Variants in SND1 observed in about 807,000 individuals in gnomAD.
The protein encoded by SND1 is staphylococcal nuclease domain-containing protein 1.
A neutral mutation model predicts 121.7 loss-of-function variants in SND1; 38 were observed. That is an observed-to-expected ratio of 0.31 (90% CI 0.24 to 0.41). SND1 has a LOEUF of 0.41. Ranked by LOEUF, SND1 falls within the 10% of genes least tolerant of loss-of-function variation. SND1 has a pLI of 1.00. For missense variants in SND1, 868 were observed against 1,184.6 expected (o/e 0.73, Z 3.92); for synonymous variants, 401 against 447.4 (o/e 0.90, Z 1.31).
At chr7:127,935,842 A>G (rs925542991) in intron 15 of SND1, among the ~76,000 whole-genome samples, 14 of 152,210 alleles carry the variant, frequency 9.2e-5, no homozygotes, top group African/African-American at 3.4e-4. Context: ...GGGAAAGTCA[A>G]GATAATTATT....
intron 10 of SND1, among the ~76,000 whole-genome samples, chr7:127,745,019 C>G (rs1796953000): frequency 6.6e-6 from 1 of 152,184 alleles, no homozygotes; most frequent in African/African-American, 2.4e-5. Flanking sequence ...TTCCAAGAAC[C>G]TTAAACTATA....
rs1260297771 is a variant in SND1 at position 127,872,681 on chromosome 7, G to A, written c.1344-15221G>A. 4.8e-5 allele frequency among the ~76,000 whole-genome samples: 7 copies of A among 147,022 alleles called. No homozygotes were observed. The East Asian group carries it at 6.0e-4, about 13-fold the overall frequency. ...ACACACACACACACGACTCTGCCACGCAGTGAATCTTTTTTAGAATGTTGG... is the reference window on the plus strand; with the variant it reads ...ACACACACACACACGACTCTGCCACACAGTGAATCTTTTTTAGAATGTTGG... On this transcript the variant is annotated intron_variant, in intron 12 of 23. Coordinates refer to ENST00000354725, the MANE Select transcript of SND1 (RefSeq NM_014390.4).
chr7:127,899,677 T>C (rs2116755665), intron 13 of SND1, among the ~76,000 whole-genome samples: 1 of 152,248 alleles, frequency 6.6e-6, no homozygotes, highest in Middle Eastern at 3.4e-3. Flanking sequence ...AAAATGATGA[T>C]GTCGATTTTT....
intron 15 of SND1, among the ~76,000 whole-genome samples, chr7:127,932,552 A>G (rs148080681): frequency 2.0e-5 from 3 of 152,362 alleles, no homozygotes; most frequent in East Asian, 1.9e-4. Context: ...GGTTTGAGAG[A>G]ATGGACTCTA....
At chr7:127,945,059 A>G (rs1374990091) in intron 15 of SND1, among the ~76,000 whole-genome samples, 1 of 152,200 alleles carries the variant, frequency 6.6e-6, no homozygotes, top group Non-Finnish European at 1.5e-5. Flanking sequence ...GCTTGAGGGT[A>G]GGGACCTTGT....
At chr7:127,698,779 T>G (rs963755474) in intron 3 of SND1, 96 bp from the exon 4 acceptor site, 7 of 913,088 alleles carry the variant, frequency 7.7e-6, no homozygotes, top group Non-Finnish European at 1.3e-5. Flanking sequence ...ATTATTCTCC[T>G]TGAGGAGCTA....
chr7:127,712,626 T>C (rs1796315568), intron 9 of SND1, among the ~76,000 whole-genome samples: 1 of 152,188 alleles, frequency 6.6e-6, no homozygotes, highest in Admixed American at 6.5e-5. Context: ...CTATTGTGTT[T>C]TCTCGCCACT....
At chr7:127,803,465 ATTAAAAAATTTTTATTTTTTACACT>A (rs1421870398) in intron 10 of SND1, among the ~76,000 whole-genome samples, 1 of 152,188 alleles carries the variant, frequency 6.6e-6, no homozygotes, top group African/African-American at 2.4e-5. Context: ...ATTTGTTACT[ATTAAAAAATTTTTATTTTTTACACT>A]TTAAAAAATG....
At position 127,677,679 on chromosome 7, in the gene SND1, A is replaced by C. The variant is rs1363193200; in HGVS notation, c.79-8934A>C. Among the ~76,000 whole-genome samples, 3 of 152,232 alleles carry C rather than the reference A, an allele frequency of 2.0e-5. No individual in the cohort carries two copies. The East Asian group carries it at 5.8e-4, about 29-fold the overall frequency. On this transcript the variant is annotated intron_variant, in intron 1 of 23. Transcript: ENST00000354725. ...AGCAGCCCTAGACAATACATAAATG[A>C]ATGAGCTTGACGTGTTCCAATAAAA...
intron 12 of SND1, among the ~76,000 whole-genome samples, chr7:127,856,918 T>A (rs145725211): frequency 1.6e-4 from 25 of 152,306 alleles, no homozygotes; most frequent in Admixed American, 4.6e-4. Context: ...CCCTCTGAAA[T>A]GTTTATATTG....
At chr7:128,005,331 C>T (rs544773325) in intron 16 of SND1, among the ~76,000 whole-genome samples, 2 of 152,330 alleles carry the variant, frequency 1.3e-5, no homozygotes, top group East Asian at 1.9e-4. Flanking sequence ...TGTGCACCCA[C>T]GCATGCCTAA....
chr7:128,074,126 A>ACCTG (rs1302257118), intron 16 of SND1, among the ~76,000 whole-genome samples: 3 of 152,136 alleles, frequency 2.0e-5, no homozygotes, highest in Non-Finnish European at 4.4e-5. Context: ...CTCCCTAAGG[A>ACCTG]CCTGCCTGTC....
intron 16 of SND1, among the ~76,000 whole-genome samples, chr7:127,991,485 G>A (rs997435246): frequency 1.3e-5 from 2 of 152,154 alleles, no homozygotes; most frequent in African/African-American, 4.8e-5. Context: ...TAATTTAATT[G>A]TATTTCTGTT....
At chr7:128,009,159 C>T (rs1414154660) in intron 16 of SND1, among the ~76,000 whole-genome samples, 1 of 152,128 alleles carries the variant, frequency 6.6e-6, no homozygotes, top group Non-Finnish European at 1.5e-5. Context: ...ACAAGTTAAG[C>T]TATATTAAAC....
intron 9 of SND1, among the ~76,000 whole-genome samples, chr7:127,717,569 C>A (rs748050353): frequency 6.6e-6 from 1 of 152,168 alleles, no homozygotes; most frequent in African/African-American, 2.4e-5. Context: ...CAGCTGTACT[C>A]TTCTAGGGGA....
At chr7:127,929,526 T>TCCTCATTTCTACC (rs1354844404) in intron 15 of SND1, among the ~76,000 whole-genome samples, 197 bp downstream of exon 15, 4 of 152,148 alleles carry the variant, frequency 2.6e-5, no homozygotes, top group African/African-American at 9.7e-5. Context: ...CCCTTTCTGC[T>TCCTCATTTCTACC]CCTCATTTCT....
In SND1 at chr7:127,701,151, T is replaced by C; in HGVS notation, c.429-12T>C. 6.2e-7 allele frequency: 1 copy of C among 1,612,826 alleles called. No individual in the cohort carries two copies. Among genetic ancestry groups the C allele is most frequent in the South Asian group, 1.1e-5 (1 of 90,874 alleles). ...ACTCACTAACCACTCTTGTTTATTT[T>C]TTATGTCCCAGTCCTGAGCAGAACC... On this transcript the variant is annotated splice_polypyrimidine_tract_variant and intron_variant, in intron 4 of 23. Transcript: ENST00000354725.
intron 11 of SND1, among the ~76,000 whole-genome samples, chr7:127,816,594 C>G (rs902956790): frequency 6.6e-6 from 1 of 151,576 alleles, no homozygotes; most frequent in Non-Finnish European, 1.5e-5. Flanking sequence ...TGTGTAAACA[C>G]TTGCTATGTT....
intron 12 of SND1, among the ~76,000 whole-genome samples, chr7:127,856,140 A>G (rs1341938586): frequency 6.6e-6 from 1 of 152,228 alleles, no homozygotes; most frequent in African/African-American, 2.4e-5. Flanking sequence ...GAAGTAATGG[A>G]TATGCATGAG....
Sources: allele counts gnomAD v4.1 joint callset (sites outside exome capture counted in the v4.1 genomes callset), GRCh38; gene constraint gnomAD v4.1.1; transcripts MANE v1.5; gene names NCBI Gene and HGNC (gene_info 2026-07-23, HGNC 2026-07-21).